SUN2: variants seen among roughly 807,000 people sequenced by gnomAD.
The protein encoded by SUN2 is SUN domain-containing protein 2.
In SUN2, 60 loss-of-function variants were observed where a neutral mutation model predicts 100.0. The ratio of observed to expected loss-of-function variants is 0.60; its 90% confidence interval spans 0.49 to 0.74. SUN2 has a LOEUF of 0.74. SUN2 is among the 30% of genes least tolerant of loss of function. The pLI is 0.00. For synonymous variants in SUN2, 367 were observed against 403.3 expected (o/e 0.91, Z 1.08); for missense variants, 834 against 954.6 (o/e 0.87, Z 1.66).
At chr22:38,742,819 GA>G in intron 8 of SUN2, 1 of 446,256 alleles carries the variant, frequency 2.2e-6, no homozygotes, top group Non-Finnish European at 4.0e-6. Context: ...CCCAGAGGAG[GA>G]AGGAAGGTGG....
At chr22:38,751,091 G>A (rs1292183552) in intron 3 of SUN2, 56 bp from the exon 4 acceptor site, 4 of 1,610,024 alleles carry the variant, frequency 2.5e-6, no homozygotes, top group South Asian at 1.1e-5. Flanking sequence ...CTGAAAAGTG[G>A]GGTCTGGGCA....
In SUN2 at chr22:38,740,720, G is replaced by T; in HGVS notation, c.1190+287C>A. ...ACAAGCATGGACATCTGGGGCATGA[G>T]AAGGCAGTTATGTGAGGCTGTAAGA... On this transcript the variant is annotated intron_variant, in intron 11 of 17. Transcript: ENST00000689035. This position sits in a 1 kb window ranked among gnomAD's most constrained non-coding sequence, Gnocchi z 4.8. 1.7e-6 allele frequency: 1 copy of T among 584,852 alleles called. No individual in the cohort carries two copies. The highest frequency in any genetic ancestry group is 2.1e-5 in the South Asian group (1 of 47,102). 36.2% of individuals were successfully genotyped at this position (584,852 alleles called of 1,614,324 possible). A position where few individuals can be genotyped will look rare whatever the true frequency, so the allele number is the denominator to read the frequency against.
rs144176379 is a variant in SUN2, at chr22:38,742,058, G to A, written c.1068+243C>T. Among the ~76,000 whole-genome samples the A allele has an allele frequency of 1.1e-3, 170 of 152,000 alleles. 1 individual carries two copies. Among genetic ancestry groups the A allele is most frequent in the African/African-American group, 3.9e-3 (160 of 41,444 alleles). On this transcript the variant is annotated intron_variant, in intron 9 of 17. Coordinates refer to ENST00000689035, the MANE Select transcript of SUN2 (RefSeq NM_015374.3). ...GGAGGCTGAGTGAGGCAAGAGAATC[G>A]CTTGAACCTGGGAGGCACAGGTTGT...
Position 38,739,964 on chromosome 22 carries a change from G to A in SUN2, c.1357-21C>T, listed in dbSNP as rs373047313. Reference sequence around the variant, plus strand: ...TCCACCTATAGGAACCCAAAGGGGTGTCACCCTGGGGGGCTTGCAGGGACA... The same window carrying A: ...TCCACCTATAGGAACCCAAAGGGGTATCACCCTGGGGGGCTTGCAGGGACA... On this transcript the variant is annotated intron_variant, in intron 12 of 17. Transcript: ENST00000689035. The surrounding 1 kb of genome is among the most constrained non-coding windows in gnomAD (Gnocchi z 6.7). The A allele has an allele frequency of 3.7e-6, 6 of 1,604,662 alleles. No homozygotes were observed. Among genetic ancestry groups the A allele is most frequent in the Non-Finnish European group, 5.1e-6 (6 of 1,178,198 alleles).
Position 38,739,385 on chromosome 22 carries a change from A to G in SUN2, c.1620T>C (p.Ser540=), listed in dbSNP as rs1442280898. ...AGTCTGCCAGCCCGATGCGGTCCTC[A>G]CTGTAGCGCTGCAGGGCCTGCTTCA... The part of the protein sequence containing the change: ...HIVKQALQRY[S]EDRIGLADYA... The change falls in exon 14 of 18, where the codon AGT becomes AGC. Residue 540 remains serine, a synonymous_variant. Coordinates refer to ENST00000689035, the MANE Select transcript of SUN2 (RefSeq NM_015374.3). This position sits in a 1 kb window ranked among gnomAD's most constrained non-coding sequence, Gnocchi z 6.7. 6.2e-7 allele frequency: 1 copy of G among 1,613,132 alleles called. No individual in the cohort carries two copies. The highest frequency in any genetic ancestry group is 1.7e-5 in the Admixed American group (1 of 60,024).
At position 38,735,635 on chromosome 22, in the gene SUN2, G is replaced by T. The variant is rs2092797989; in HGVS notation, c.*632C>A. 1 of 177,200 alleles carries T rather than the reference G, an allele frequency of 5.6e-6. No individual in the cohort carries two copies. Among genetic ancestry groups the T allele is most frequent in the Non-Finnish European group, 1.2e-5 (1 of 81,742 alleles). The allele number at this position is 177,200 out of a possible 1,614,324, so 11.0% of individuals were successfully genotyped here. On this transcript the variant is annotated 3_prime_UTR_variant, in exon 18 of 18. Transcript: ENST00000689035. ...AGATCACAGCAGCCAGTCCCCTTTA[G>T]GGCACAAGAAGCCCCATGGCCCACT...
intron 1 of SUN2, chr22:38,754,603 T>TGGGGTGGGG: frequency 7.9e-6 from 7 of 889,146 alleles, no homozygotes; most frequent in Non-Finnish European, 1.1e-5. Context: ...TAAGGTAATC[T>TGGGGTGGGG]CCCCTCCCCC....
intron 1 of SUN2, among the ~76,000 whole-genome samples, chr22:38,754,465 T>G (rs1179337994): frequency 6.6e-6 from 1 of 152,226 alleles, no homozygotes; most frequent in East Asian, 1.9e-4. Context: ...CTGGCCTTGT[T>G]GGCATCTTCC....
intron 8 of SUN2, among the ~76,000 whole-genome samples, chr22:38,744,817 A>G (rs2092889868): frequency 6.6e-6 from 1 of 152,152 alleles, no homozygotes; most frequent in South Asian, 2.1e-4. Flanking sequence ...AGAGGTTTAA[A>G]TTGTCAGTAT....
rs775697034 is a variant in SUN2, at chr22:38,738,887, G to T, written c.1765C>A (p.Arg589=). The change falls in exon 15 of 18, where the codon CGA becomes AGA. Residue 589 remains arginine (R), a synonymous_variant. Transcript: ENST00000689035. This position sits in a 1 kb window ranked among gnomAD's most constrained non-coding sequence, Gnocchi z 6.6. ...CAGGTGCCCACCTGGAGGATGACTC[G>T]GGGTGACTGGGAGTGGTACCACAGG... is the stretch of plus-strand genomic sequence containing the variant. ...IPLWYHSQSP[R]VILQPDVHPG... 21 of 1,606,216 alleles carry T rather than the reference G, an allele frequency of 1.3e-5. No homozygotes were observed. The highest frequency in any genetic ancestry group is 1.8e-5 in the Non-Finnish European group (21 of 1,174,572).
At position 38,738,320 on chromosome 22, in the gene SUN2, C is replaced by A; in HGVS notation, c.1948-55G>T. 6.8e-7 allele frequency: 1 copy of A among 1,469,088 alleles called. No homozygotes were observed. 91.0% of individuals were successfully genotyped at this position (1,469,088 alleles called of 1,614,324 possible). A position where few individuals can be genotyped will look rare whatever the true frequency, so the allele number is the denominator to read the frequency against. On this transcript the variant is annotated intron_variant, in intron 16 of 17. Transcript: ENST00000689035. This position sits in a 1 kb window ranked among gnomAD's most constrained non-coding sequence, Gnocchi z 6.6. Reference sequence around the variant, plus strand: ...GGGCTGGAGCAGGGAGAACACCCCTCCCCACTCCAATCCCTGCTCCTCCCA... The same window carrying A: ...GGGCTGGAGCAGGGAGAACACCCCTACCCACTCCAATCCCTGCTCCTCCCA...
At chr22:38,736,751 A>G in intron 17 of SUN2, 1 of 179,296 alleles carries the variant, frequency 5.6e-6, no homozygotes. Context: ...CAGTGTTGGG[A>G]ATGGTGTTAG....
In SUN2 at chr22:38,738,998, G is replaced by C. The variant is rs1247284024; in HGVS notation, c.1664-10C>G. 5 of 1,603,644 alleles carry C rather than the reference G, an allele frequency of 3.1e-6. No homozygotes were observed. On this transcript the variant is annotated splice_polypyrimidine_tract_variant and intron_variant, in intron 14 of 17. Transcript: ENST00000689035. The surrounding 1 kb of genome is among the most constrained non-coding windows in gnomAD (Gnocchi z 6.6). The stretch of plus-strand genomic sequence containing the variant: ...CTGATGACGCTGGCCCCTGAGACAG[G>C]AGAGGAAGGCAGGGTGGGCTCCCGC...
chr22:38,750,778 G>T, intron 4 of SUN2, 120 bp downstream of exon 4: 1 of 1,468,862 alleles, frequency 6.8e-7, no homozygotes, highest in Non-Finnish European at 9.2e-7. Flanking sequence ...CCGGGCATGG[G>T]AGGGGCGCTG....
At chr22:38,741,691 T>TGG in intron 9 of SUN2, 120 bp from the exon 10 acceptor site, 1 of 898,974 alleles carries the variant, frequency 1.1e-6, no homozygotes, top group Non-Finnish European at 1.8e-6. Flanking sequence ...GCCCTGGCTC[T>TGG]CAGCCTTCTC....
intron 6 of SUN2, 32 bp from the exon 7 acceptor site, chr22:38,748,815 G>A (rs780165378): frequency 6.2e-7 from 1 of 1,612,524 alleles, no homozygotes; most frequent in South Asian, 1.1e-5. Flanking sequence ...GACGGGGGAG[G>A]CGGAGGTGTG....
chr22:38,745,295 C>T (rs543125381), intron 8 of SUN2: 32 of 424,540 alleles, frequency 7.5e-5, no homozygotes, highest in African/African-American at 2.9e-4. Flanking sequence ...CAGGCAAGTA[C>T]GAGCCCAGCC....
In SUN2 at chr22:38,734,779, G is replaced by A. The variant is rs1445982943; in HGVS notation, c.*1488C>T. On this transcript the variant is annotated 3_prime_UTR_variant, in exon 18 of 18. Coordinates refer to ENST00000689035, the MANE Select transcript of SUN2 (RefSeq NM_015374.3). ...TTGCATAGGCATAAATTAGGATCTG[G>A]AGATAAAAAACTTAAGAACCAATAG... The A allele has an allele frequency of 5.6e-6, 1 of 177,626 alleles. No homozygotes were observed. Among genetic ancestry groups the A allele is most frequent in the African/African-American group, 2.4e-5 (1 of 41,572 alleles). 11.0% of individuals were successfully genotyped at this position (177,626 alleles called of 1,614,324 possible).
In SUN2 at chr22:38,739,281, C is replaced by T; in HGVS notation, c.1663+61G>A. On this transcript the variant is annotated intron_variant, in intron 14 of 17. Coordinates refer to ENST00000689035, the MANE Select transcript of SUN2 (RefSeq NM_015374.3). This position sits in a 1 kb window ranked among gnomAD's most constrained non-coding sequence, Gnocchi z 6.7. ...TGCCCCACCACCAACCTGGTAGATG[C>T]CAGGGGACCGGCCATTGCGGGGTCC... 1 of 1,565,826 alleles carries T rather than the reference C, an allele frequency of 6.4e-7. No individual in the cohort carries two copies. The highest frequency in any genetic ancestry group is 1.1e-5 in the South Asian group (1 of 90,194).
Sources: allele counts gnomAD v4.1 joint callset (sites outside exome capture counted in the v4.1 genomes callset), GRCh38; gene constraint gnomAD v4.1.1; non-coding constraint Gnocchi (gnomAD v3.1); transcripts MANE v1.5; gene names NCBI Gene and HGNC (gene_info 2026-07-23, HGNC 2026-07-21).